Variants in KIF13B observed in about 807,000 individuals in gnomAD.
The protein encoded by KIF13B is kinesin family member 13B.
A neutral mutation model predicts 222.0 loss-of-function variants in KIF13B; 127 were observed. That is an observed-to-expected ratio of 0.57 (90% CI 0.50 to 0.66). The LOEUF (loss-of-function observed/expected upper bound fraction) is 0.66. Among genes scored for constraint, KIF13B ranks in the 30% least tolerant of loss-of-function variants. The pLI, the probability that KIF13B is intolerant of heterozygous loss-of-function variation, is 0.00. For missense variants in KIF13B, 2,173 were observed against 2,379.0 expected (o/e 0.91, Z 1.80); for synonymous variants, 976 against 919.0 (o/e 1.06, Z -1.12).
In KIF13B at chr8:29,071,578, AC is replaced by A; in HGVS notation, c.5218+41del. 2 of 1,507,744 alleles carry A rather than the reference AC, an allele frequency of 1.3e-6. No individual in the cohort carries two copies. The highest frequency in any genetic ancestry group is 9.0e-7 in the Non-Finnish European group (1 of 1,116,972). 93.4% of individuals were successfully genotyped at this position (1,507,744 alleles called of 1,614,324 possible). A position where few individuals can be genotyped will look rare whatever the true frequency, so the allele number is the denominator to read the frequency against. The stretch of plus-strand genomic sequence containing the variant: ...GCCGGCCACGTTCCTGCTTCCCCAG[AC>A]CCCCGGCACCACCCTGGAGCCCGGA... On this transcript the variant is annotated intron_variant, in intron 39 of 39. Transcript: ENST00000524189. This position sits in a 1 kb window ranked among gnomAD's most constrained non-coding sequence, Gnocchi z 4.9.
intron 8 of KIF13B, among the ~76,000 whole-genome samples, chr8:29,178,279 A>AT (rs893519856): frequency 3.3e-5 from 5 of 149,836 alleles, no homozygotes; most frequent in African/African-American, 7.3e-5. Context: ...CAATTCTGAC[A>AT]TAAAAAAAAA....
intron 1 of KIF13B, among the ~76,000 whole-genome samples, chr8:29,259,534 C>A (rs1335033896): frequency 1.3e-5 from 2 of 152,184 alleles, no homozygotes; most frequent in African/African-American, 4.8e-5. Flanking sequence ...AAGATCTCAT[C>A]CTATCTAATA....
chr8:29,160,114 A>G (rs7825793), intron 13 of KIF13B, among the ~76,000 whole-genome samples: 9,185 of 152,264 alleles, frequency 0.06, 582 homozygotes, highest in African/African-American at 0.15. Flanking sequence ...CAGGGTTCAG[A>G]CTTATTCTGA....
At chr8:29,102,526 C>T (rs1050385373) in intron 35 of KIF13B, among the ~76,000 whole-genome samples, 11 of 152,180 alleles carry the variant, frequency 7.2e-5, no homozygotes, top group African/African-American at 2.7e-4. Flanking sequence ...GTAAGAACGC[C>T]GGAGGCTCCG....
chr8:29,234,526 C>T (rs1487565976), intron 2 of KIF13B, among the ~76,000 whole-genome samples: 1 of 147,108 alleles, frequency 6.8e-6, no homozygotes, highest in Admixed American at 6.9e-5. Flanking sequence ...ATGGGGATCT[C>T]GTATGTAATG....
At chr8:29,088,063 C>G (rs534747267) in intron 37 of KIF13B, among the ~76,000 whole-genome samples, 2 of 151,850 alleles carry the variant, frequency 1.3e-5, no homozygotes, top group African/African-American at 4.8e-5. Context: ...ATCAAGAGAT[C>G]GAGACCATCC....
intron 6 of KIF13B, among the ~76,000 whole-genome samples, chr8:29,182,238 A>G (rs1258923073): frequency 6.6e-6 from 1 of 152,258 alleles, no homozygotes; most frequent in Non-Finnish European, 1.5e-5. Flanking sequence ...TGGGATGCCT[A>G]TTTACTTACT....
At chr8:29,072,816 G>A (rs1345854246) in intron 38 of KIF13B, among the ~76,000 whole-genome samples, 2 of 152,182 alleles carry the variant, frequency 1.3e-5, no homozygotes, top group Non-Finnish European at 1.5e-5. Flanking sequence ...CACACAGTAG[G>A]TGCACGCTAA....
At chr8:29,114,064 G>A (rs1235675929) in intron 31 of KIF13B, among the ~76,000 whole-genome samples, 6 of 152,146 alleles carry the variant, frequency 3.9e-5, no homozygotes, top group Admixed American at 2.6e-4. Flanking sequence ...TGCTGACTGC[G>A]CTCTTTGCAC....
At chr8:29,211,869 T>C (rs1814244101) in intron 2 of KIF13B, among the ~76,000 whole-genome samples, 1 of 152,244 alleles carries the variant, frequency 6.6e-6, no homozygotes, top group African/African-American at 2.4e-5. Context: ...TATACATTTT[T>C]TTCTTAGTAT....
At chr8:29,098,594 C>G (rs1180882009) in intron 36 of KIF13B, among the ~76,000 whole-genome samples, 2 of 145,504 alleles carry the variant, frequency 1.4e-5, no homozygotes, top group Non-Finnish European at 3.0e-5. Context: ...CAGAGCAAGA[C>G]TCTGTCTCAA....
At chr8:29,178,857 A>G (rs1318398816) in intron 8 of KIF13B, among the ~76,000 whole-genome samples, 1 of 152,136 alleles carries the variant, frequency 6.6e-6, no homozygotes, top group Admixed American at 6.5e-5. Context: ...TGGACACACT[A>G]GGGGGTAGGC....
At position 29,106,535 on chromosome 8, in the gene KIF13B, G is replaced by A. The variant is rs368357423; in HGVS notation, c.4215+1604C>T. ...CAATCCCCGCTACTGGGGAGGCTGA[G>A]GCAGGAGAATCACTTGAACCTGGGA... is the stretch of plus-strand genomic sequence containing the variant. On this transcript the variant is annotated intron_variant, in intron 35 of 39. Coordinates refer to ENST00000524189, the MANE Select transcript of KIF13B (RefSeq NM_015254.4). Among the ~76,000 whole-genome samples, 12 of 150,302 alleles carry A rather than the reference G, an allele frequency of 8.0e-5. No homozygotes were observed. In the East Asian group the frequency reaches 2.4e-3, roughly 29 times the overall value.
intron 2 of KIF13B, among the ~76,000 whole-genome samples, chr8:29,228,279 C>A (rs1365723813): frequency 6.6e-6 from 1 of 150,978 alleles, no homozygotes; most frequent in East Asian, 1.9e-4. Context: ...TCCTGGCTAA[C>A]ACGGTGAAAC....
At chr8:29,127,301 A>G (rs1396915851) in intron 24 of KIF13B, 33 bp from the exon 25 acceptor site, 11 of 1,594,602 alleles carry the variant, frequency 6.9e-6, no homozygotes, top group Middle Eastern at 1.7e-4. Context: ...TCTTAAAATC[A>G]GTGTCTTGAT....
At chr8:29,184,682 T>C (rs1424141043) in intron 6 of KIF13B, among the ~76,000 whole-genome samples, 2 of 152,202 alleles carry the variant, frequency 1.3e-5, no homozygotes, top group East Asian at 3.9e-4. Flanking sequence ...GAGAAATTAC[T>C]AAAGACTGTA....
intron 36 of KIF13B, among the ~76,000 whole-genome samples, chr8:29,097,005 T>C (rs558643612): frequency 6.6e-6 from 1 of 152,170 alleles, no homozygotes; most frequent in Admixed American, 6.5e-5. Context: ...AGCATGCCGA[T>C]TGAAGGGCAG....
intron 1 of KIF13B, among the ~76,000 whole-genome samples, chr8:29,262,447 G>A (rs1475128249): frequency 6.6e-6 from 1 of 152,178 alleles, no homozygotes; most frequent in Non-Finnish European, 1.5e-5. Flanking sequence ...AACTCGCCGC[G>A]GGGCACCCGC....
intron 10 of KIF13B, among the ~76,000 whole-genome samples, chr8:29,174,796 G>A (rs777371081): frequency 1.3e-5 from 2 of 152,302 alleles, no homozygotes; most frequent in Middle Eastern, 3.4e-3. Flanking sequence ...TGACATTTAC[G>A]TAAAGAATGT....
Sources: allele counts gnomAD v4.1 joint callset (sites outside exome capture counted in the v4.1 genomes callset), GRCh38; gene constraint gnomAD v4.1.1; non-coding constraint Gnocchi (gnomAD v3.1); transcripts MANE v1.5; gene names NCBI Gene and HGNC (gene_info 2026-07-23, HGNC 2026-07-21).